Variants in SLC9D1 observed in about 807,000 individuals in gnomAD.
The protein encoded by SLC9D1 is solute carrier family 9 member D1.
the SLC9D1 span, among the ~76,000 whole-genome samples, chr13:113,509,267 AC>A: frequency 4.9e-5 from 3 of 61,766 alleles, no homozygotes; most frequent in Admixed American, 2.0e-4. Context: ...CTATGTTGGG[AC>A]TGGTGGGCTT....
At chr13:113,515,489 G>A in the SLC9D1 span, among the ~76,000 whole-genome samples, 1 of 152,192 alleles carries the variant, frequency 6.6e-6, no homozygotes, top group Non-Finnish European at 1.5e-5. Context: ...CAGGGCAGTC[G>A]GCTGCTTGTG....
chr13:113,495,320 A>G, the SLC9D1 span, among the ~76,000 whole-genome samples: 1 of 152,260 alleles, frequency 6.6e-6, no homozygotes, highest in African/African-American at 2.4e-5. Context: ...CATACAAGGT[A>G]CATCAACATT....
At chr13:113,494,016 C>G in the SLC9D1 span, among the ~76,000 whole-genome samples, 2 of 152,210 alleles carry the variant, frequency 1.3e-5, no homozygotes, top group African/African-American at 4.8e-5. Flanking sequence ...GCCTGGGAAA[C>G]TCGATTAAAC....
chr13:113,495,570 C>T, the SLC9D1 span: 23 of 1,525,428 alleles, frequency 1.5e-5, no homozygotes, highest in Admixed American at 2.1e-5. Context: ...CCCTGCCCTC[C>T]GGACCTGGAT....
chr13:113,540,249 C>T, the SLC9D1 span, among the ~76,000 whole-genome samples: 1 of 152,302 alleles, frequency 6.6e-6, no homozygotes, highest in African/African-American at 2.4e-5. Context: ...CCTTTGGGCG[C>T]AAACTCAGCA....
At chr13:113,546,756 C>G in the SLC9D1 span, among the ~76,000 whole-genome samples, 1 of 152,172 alleles carries the variant, frequency 6.6e-6, no homozygotes, top group Non-Finnish European at 1.5e-5. This position sits in a 1 kb window ranked among gnomAD's most constrained non-coding sequence, Gnocchi z 7.1. Flanking sequence ...GCCGGCCCCT[C>G]TGCGTCACTC....
At chr13:113,549,707 A>C in the SLC9D1 span, 1 of 846,882 alleles carries the variant, frequency 1.2e-6, no homozygotes. Context: ...TTCTTGTCCT[A>C]TTTTAGAATT....
chr13:113,524,020 T>G, the SLC9D1 span: 1 of 432,916 alleles, frequency 2.3e-6, no homozygotes, highest in Non-Finnish European at 4.7e-6. Context: ...GAGGTTTGTT[T>G]TATGGCCAGT....
chr13:113,498,618 G>C, the SLC9D1 span: 3 of 975,506 alleles, frequency 3.1e-6, no homozygotes, highest in Non-Finnish European at 4.4e-6. Flanking sequence ...TTTTAATGTA[G>C]ATTGAAAATG....
the SLC9D1 span, among the ~76,000 whole-genome samples, chr13:113,508,267 A>G: frequency 1.3e-5 from 2 of 152,246 alleles, no homozygotes; most frequent in African/African-American, 4.8e-5. Flanking sequence ...CCCAGGGCGC[A>G]CAGCGAGTTA....
chr13:113,501,240 G>A, the SLC9D1 span, among the ~76,000 whole-genome samples: 1 of 152,188 alleles, frequency 6.6e-6, no homozygotes, highest in Non-Finnish European at 1.5e-5. Flanking sequence ...CTGTGTCCAC[G>A]TGCTCTGCAT....
the SLC9D1 span, among the ~76,000 whole-genome samples, chr13:113,546,760 G>A: frequency 2.6e-5 from 4 of 152,186 alleles, no homozygotes; most frequent in East Asian, 1.9e-4. The surrounding 1 kb of genome is among the most constrained non-coding windows in gnomAD (Gnocchi z 7.1). Context: ...GCCCCTCTGC[G>A]TCACTCGGCA....
At chr13:113,503,345 T>TTGTGTGTGTGTG in the SLC9D1 span, 30 of 476,186 alleles carry the variant, frequency 6.3e-5, no homozygotes, top group Non-Finnish European at 9.3e-5. Context: ...CACTGTGTGA[T>TTGTGTGTGTGTG]TGTGTGTGTG....
At chr13:113,547,002 C>T in the SLC9D1 span, 2 of 377,042 alleles carry the variant, frequency 5.3e-6, no homozygotes, top group Non-Finnish European at 9.8e-6. Context: ...TGAAGGAGTG[C>T]CAGACCGAGT....
the SLC9D1 span, chr13:113,549,337 C>G: frequency 1.4e-6 from 2 of 1,458,290 alleles, no homozygotes; most frequent in Non-Finnish European, 1.9e-6. Flanking sequence ...GCGTCCCTCC[C>G]AGCTCAGTGA....
At chr13:113,537,561 ACT>A in the SLC9D1 span, among the ~76,000 whole-genome samples, 7 of 151,962 alleles carry the variant, frequency 4.6e-5, no homozygotes, top group Non-Finnish European at 1.0e-4. Context: ...TCGCCTTTTC[ACT>A]CTCTTAACGG....
the SLC9D1 span, chr13:113,535,340 C>G: frequency 6.6e-6 from 1 of 151,912 alleles, no homozygotes; most frequent in Admixed American, 6.6e-5. The surrounding 1 kb of genome is among the most constrained non-coding windows in gnomAD (Gnocchi z 4.1). Context: ...GCGGGAGATG[C>G]TCCTGGACCC....
the SLC9D1 span, among the ~76,000 whole-genome samples, chr13:113,494,831 C>A: frequency 2.6e-5 from 4 of 151,988 alleles, no homozygotes; most frequent in Non-Finnish European, 5.9e-5. Context: ...AACCCAGTGA[C>A]CTGTGAGGGG....
chr13:113,496,506 CT>C, the SLC9D1 span, among the ~76,000 whole-genome samples: 3 of 152,198 alleles, frequency 2.0e-5, no homozygotes, highest in Non-Finnish European at 2.9e-5. Flanking sequence ...GAATTAAGGA[CT>C]TTGACCAAGT....
Sources: allele counts gnomAD v4.1 joint callset (sites outside exome capture counted in the v4.1 genomes callset), GRCh38; gene constraint gnomAD v4.1.1; non-coding constraint Gnocchi (gnomAD v3.1); transcripts MANE v1.5; gene names NCBI Gene and HGNC (gene_info 2026-07-23, HGNC 2026-07-21).